The following ITSN2 variants were observed in gnomAD, a reference collection of about 807,000 sequenced individuals.
The protein encoded by ITSN2 is intersectin-2.
ITSN2 carries 156 observed loss-of-function variants against 243.7 expected under a neutral mutation model. That is an observed-to-expected ratio of 0.64 (90% CI 0.56 to 0.73). ITSN2 has a LOEUF of 0.73. Among genes scored for constraint, ITSN2 ranks in the 30% least tolerant of loss-of-function variants. The pLI is 0.00. For synonymous variants in ITSN2, 703 were observed against 699.9 expected, an observed-to-expected ratio of 1.00 and a Z score of -0.07; for missense variants, 1,801 against 1,996.1, an observed-to-expected ratio of 0.90 and a Z score of 1.86.
intron 38 of ITSN2, 42 bp downstream of exon 38, chr2:24,205,172 C>A: frequency 6.5e-7 from 1 of 1,540,162 alleles, no homozygotes; most frequent in Non-Finnish European, 9.0e-7. Context: ...AAAACTGGGG[C>A]AGGGCAGTTA....
intron 18 of ITSN2, among the ~76,000 whole-genome samples, chr2:24,272,526 G>A (rs1677497311): frequency 6.6e-6 from 1 of 151,440 alleles, no homozygotes; most frequent in Admixed American, 6.6e-5. Flanking sequence ...GGATCTCCTG[G>A]GCTCAAGTGA....
chr2:24,275,807 G>A lies in ITSN2; in HGVS notation c.1987C>T (p.Gln663Ter). ...TYNTQQLALEQLYKIKRDKLK... is the reference protein window; with the variant it reads ...TYNTQQLALE Reference sequence around the variant, plus strand: ...TTGTCACGTTTGATCTTATAAAGCTGTTCAAGGGCTAACTGCTGTGTGTTG... The same window carrying A: ...TTGTCACGTTTGATCTTATAAAGCTATTCAAGGGCTAACTGCTGTGTGTTG... The change falls in exon 18 of 40, where the codon CAG becomes TAG. Residue 663 changes from glutamine (Q) to a stop codon, truncating the protein, a stop_gained. Coordinates refer to ENST00000355123, the MANE Select transcript of ITSN2 (RefSeq NM_006277.3). LOFTEE classifies it high-confidence loss of function. 1 of 1,612,282 alleles carries A rather than the reference G, an allele frequency of 6.2e-7. No homozygotes were observed. The highest frequency in any genetic ancestry group is 8.5e-7 in the Non-Finnish European group (1 of 1,178,874).
chr2:24,237,521 G>C (rs371058318), intron 29 of ITSN2, among the ~76,000 whole-genome samples: 10 of 152,218 alleles, frequency 6.6e-5, no homozygotes, highest in African/African-American at 2.4e-4. Flanking sequence ...TACATCTGAT[G>C]TTGTCTATCT....
chr2:24,338,058 G>A, intron 1 of ITSN2, among the ~76,000 whole-genome samples: 1 of 152,156 alleles, frequency 6.6e-6, no homozygotes, highest in East Asian at 1.9e-4. Context: ...GGCCGTGATG[G>A]GAAGTGGGGT....
intron 22 of ITSN2, among the ~76,000 whole-genome samples, chr2:24,260,705 C>A (rs1213309804): frequency 6.6e-6 from 1 of 151,918 alleles, no homozygotes; most frequent in African/African-American, 2.4e-5. Context: ...GTCAGGAGTT[C>A]GAGGCCAGCC....
At chr2:24,311,715 G>T (rs903895541) in intron 5 of ITSN2, 2 of 167,066 alleles carry the variant, frequency 1.2e-5, no homozygotes, top group African/African-American at 4.8e-5. Context: ...ATGAATACGT[G>T]AACTTATTAG....
intron 18 of ITSN2, among the ~76,000 whole-genome samples, 173 bp from the exon 19 acceptor site, chr2:24,272,114 A>G (rs539175412): frequency 6.6e-6 from 1 of 152,326 alleles, no homozygotes; most frequent in East Asian, 1.9e-4. Flanking sequence ...TCAATCAATC[A>G]ATCAAGAAAA....
chr2:24,234,336 G>A (rs557962569), intron 29 of ITSN2, among the ~76,000 whole-genome samples: 5 of 150,634 alleles, frequency 3.3e-5, no homozygotes, highest in East Asian at 3.9e-4. Flanking sequence ...TCTACTGTTC[G>A]CAAAAATCAA....
In ITSN2 at chr2:24,293,731, T is replaced by C; in HGVS notation, c.1680A>G (p.Leu560=). 1 of 1,262,116 alleles carries C rather than the reference T, an allele frequency of 7.9e-7. No homozygotes were observed. Among genetic ancestry groups the C allele is most frequent in the Non-Finnish European group, 1.1e-6 (1 of 901,112 alleles). 78.2% of individuals were successfully genotyped at this position (1,262,116 alleles called of 1,614,324 possible). A position where few individuals can be genotyped will look rare whatever the true frequency, so the allele number is the denominator to read the frequency against. Residue 560 remains leucine, a synonymous_variant, in exon 15 of 40, where the codon TTA becomes TTG. Coordinates refer to ENST00000355123, the MANE Select transcript of ITSN2 (RefSeq NM_006277.3). ...GCATGTTTTTAATTCTTTCATTTAA[T>C]AATTGCTTCTCAGGTACCAGATAGA... The part of the protein sequence containing the change: ...KLIYLVPEKQ[L]LNERIKNMQF...
At chr2:24,220,594 A>C in intron 30 of ITSN2, 1 of 1,124,704 alleles carries the variant, frequency 8.9e-7, no homozygotes, top group Non-Finnish European at 1.1e-6. Context: ...TATCCAAGGA[A>C]GCTACGGTCT....
intron 14 of ITSN2, among the ~76,000 whole-genome samples, chr2:24,295,279 C>CTATTAG (rs1680800243): frequency 2.6e-5 from 4 of 152,200 alleles, no homozygotes; most frequent in African/African-American, 9.6e-5. Flanking sequence ...TATTGACCCC[C>CTATTAG]AAAACAAAAC....
chr2:24,299,762 T>A (rs1217452024), intron 12 of ITSN2, 147 bp downstream of exon 12: 1 of 681,222 alleles, frequency 1.5e-6, no homozygotes, highest in East Asian at 2.7e-5. Flanking sequence ...AGGGAAGGAA[T>A]GATCAGATTT....
chr2:24,344,739 G>A (rs1464299653), intron 1 of ITSN2, among the ~76,000 whole-genome samples: 1 of 152,168 alleles, frequency 6.6e-6, no homozygotes, highest in Non-Finnish European at 1.5e-5. Context: ...ATCACCTGAG[G>A]TCAGGAGTTC....
At chr2:24,307,757 T>C (rs1460324589) in intron 8 of ITSN2, among the ~76,000 whole-genome samples, 1 of 152,206 alleles carries the variant, frequency 6.6e-6, no homozygotes, top group Non-Finnish European at 1.5e-5. Flanking sequence ...TGGACTCCTA[T>C]TTCACAGACT....
chr2:24,228,752 G>C (rs1671289177), intron 29 of ITSN2, among the ~76,000 whole-genome samples: 1 of 151,872 alleles, frequency 6.6e-6, no homozygotes, highest in Non-Finnish European at 1.5e-5. Flanking sequence ...AACAAAAAGG[G>C]GCAAAGAAAA....
intron 18 of ITSN2, among the ~76,000 whole-genome samples, chr2:24,275,324 G>A (rs1223321003): frequency 1.3e-5 from 2 of 152,210 alleles, no homozygotes; most frequent in African/African-American, 4.8e-5. Context: ...AATAGCTTGG[G>A]ACTACAGGCG....
rs1446278413 is a variant in ITSN2, at chr2:24,204,200, G to C, written c.4936+45C>G. 6.2e-7 allele frequency: 1 copy of C among 1,600,402 alleles called. No homozygotes were observed. The highest frequency in any genetic ancestry group is 1.3e-5 in the African/African-American group (1 of 74,586). ...CCCTAGATCTGGACTCCAGGATCTA[G>C]GAAACTGGGAAAGCCTTTAGATCCC... is the stretch of plus-strand genomic sequence containing the variant. On this transcript the variant is annotated intron_variant, in intron 39 of 39. Coordinates refer to ENST00000355123, the MANE Select transcript of ITSN2 (RefSeq NM_006277.3). This position sits in a 1 kb window ranked among gnomAD's most constrained non-coding sequence, Gnocchi z 5.1.
chr2:24,301,737 G>A (rs745311724), intron 10 of ITSN2, among the ~76,000 whole-genome samples: 6 of 151,894 alleles, frequency 4.0e-5, no homozygotes, highest in Non-Finnish European at 5.9e-5. Context: ...TGTTGTCCAC[G>A]CTGGTCCTGA....
At chr2:24,261,884 AC>A (rs1206650159) in intron 20 of ITSN2, 142 bp from the exon 21 acceptor site, 15 of 561,098 alleles carry the variant, frequency 2.7e-5, no homozygotes, top group Non-Finnish European at 4.4e-5. Context: ...CTACAAATTA[AC>A]AGCTACTATT....
Sources: gnomAD v4.1 joint callset for allele counts (sites outside exome capture counted in the v4.1 genomes callset) on GRCh38, gnomAD v4.1.1 for gene constraint, Gnocchi (gnomAD v3.1) non-coding constraint, MANE v1.5 for transcripts, NCBI Gene and HGNC (gene_info 2026-07-23, HGNC 2026-07-21) for gene names.